The following CPNE5 variants were observed in gnomAD, a reference collection of about 807,000 sequenced individuals.
The protein encoded by CPNE5 is copine 5, also known as copine-5.
A neutral mutation model predicts 81.1 loss-of-function variants in CPNE5; 42 were observed. The ratio of observed to expected loss-of-function variants is 0.52; its 90% CI spans 0.40 to 0.67. The LOEUF (loss-of-function observed/expected upper bound fraction) is 0.67. Among genes scored for constraint, CPNE5 ranks in the 30% least tolerant of loss-of-function variants. The pLI, the probability that CPNE5 is intolerant of heterozygous loss-of-function variation, is 0.00. For missense variants in CPNE5, 612 were observed against 815.5 expected (o/e 0.75, Z 3.04); for synonymous variants, 313 against 321.5 (o/e 0.97, Z 0.28).
chr6:36,798,421 A>T, intron 5 of CPNE5, 34 bp downstream of exon 5: 1 of 1,607,172 alleles, frequency 6.2e-7, no homozygotes, highest in Non-Finnish European at 8.5e-7. Context: ...TTCAGAAACT[A>T]TGGAATTGCT....
At chr6:36,791,920 A>G in intron 8 of CPNE5, 113 bp downstream of exon 8, 1 of 887,164 alleles carries the variant, frequency 1.1e-6, no homozygotes, top group South Asian at 1.3e-5. Flanking sequence ...CAGCCAGGTC[A>G]GCATCAGGAG....
Position 36,745,113 on chromosome 6 carries a change from C to T in CPNE5, c.1366G>A (p.Val456Met), listed in dbSNP as rs1763991383. The change falls in exon 18 of 21, where the codon GTG becomes ATG. Residue 456 changes from valine (V) to methionine (M), a missense_variant. Val to Met is a conservative substitution (Grantham distance 21, BLOSUM62 1). Coordinates refer to ENST00000244751, the MANE Select transcript of CPNE5 (RefSeq NM_020939.2). ...ACCCCATCAGTAATGATGAGCAGCA[C>T]CGAGTACTGGGAGCCATCCTGCACG... The part of the protein sequence containing the change: ...AAVQDGSQYS[V>M]LLIITDGVIS... 10 of 1,613,948 alleles carry T rather than the reference C, an allele frequency of 6.2e-6. No homozygotes were observed. The highest frequency in any genetic ancestry group is 1.1e-5 in the South Asian group (1 of 91,088).
intron 3 of CPNE5, among the ~76,000 whole-genome samples, chr6:36,815,841 G>C (rs1269767394): frequency 1.3e-5 from 2 of 152,216 alleles, no homozygotes; most frequent in Non-Finnish European, 2.9e-5. Flanking sequence ...GGGTGTGGTG[G>C]CTGGGGCCAA....
chr6:36,781,451 A>G (rs979785760), intron 8 of CPNE5, among the ~76,000 whole-genome samples: 1 of 152,236 alleles, frequency 6.6e-6, no homozygotes, highest in Non-Finnish European at 1.5e-5. Flanking sequence ...TAGAGGTTAA[A>G]TCATATGCCT....
At position 36,766,927 on chromosome 6, in the gene CPNE5, C is replaced by T. The variant is rs9380598; in HGVS notation, c.738-1551G>A. 0.48 allele frequency among the ~76,000 whole-genome samples: 73,622 copies of T among 152,026 alleles called. 18,709 individuals carry two copies. Among genetic ancestry groups the T allele is most frequent in the Non-Finnish European group, 0.57 (38,829 of 67,950 alleles). Reference sequence around the variant, plus strand: ...CTGGAGTGCAATGGCGTGATCTCGGCTCATTGCAACCTCCGCCTCCGGATT... The same window carrying T: ...CTGGAGTGCAATGGCGTGATCTCGGTTCATTGCAACCTCCGCCTCCGGATT... On this transcript the variant is annotated intron_variant, in intron 10 of 20. Coordinates refer to ENST00000244751, the MANE Select transcript of CPNE5 (RefSeq NM_020939.2). This position sits in a 1 kb window ranked among gnomAD's most constrained non-coding sequence, Gnocchi z 4.2.
intron 16 of CPNE5, 79 bp from the exon 17 acceptor site, chr6:36,745,594 G>C: frequency 2.7e-6 from 4 of 1,482,614 alleles, no homozygotes; most frequent in Non-Finnish European, 3.6e-6. Flanking sequence ...GAGTCCAGGT[G>C]GGGAGGCCAG....
intron 8 of CPNE5, among the ~76,000 whole-genome samples, chr6:36,791,598 A>G (rs1288092008): frequency 6.6e-6 from 1 of 152,162 alleles, no homozygotes; most frequent in East Asian, 1.9e-4. Flanking sequence ...CATCCGCCCC[A>G]TGCAGGGTGT....
chr6:36,741,020 C>T lies in CPNE5; in HGVS notation c.*1248G>A, dbSNP rs1419665074. 1.3e-5 allele frequency: 2 copies of T among 152,320 alleles called. No homozygotes were observed. The highest frequency in any genetic ancestry group is 2.9e-5 in the Non-Finnish European group (2 of 68,076). The allele number at this position is 152,320 out of a possible 1,614,324, so 9.4% of individuals were successfully genotyped here. On this transcript the variant is annotated 3_prime_UTR_variant, in exon 21 of 21. Coordinates refer to ENST00000244751, the MANE Select transcript of CPNE5 (RefSeq NM_020939.2). ...CCCCGAGTGGGCAAAGGCTGGGCAG[C>T]TGGGTGGGCCCGGGAGGGAGATCCC...
At chr6:36,789,859 C>T (rs748066353) in intron 8 of CPNE5, among the ~76,000 whole-genome samples, 2 of 152,180 alleles carry the variant, frequency 1.3e-5, no homozygotes, top group African/African-American at 4.8e-5. Flanking sequence ...GGTTCATTCC[C>T]GCTGTCAAGT....
rs771875088 is a variant in CPNE5 at position 36,765,339 on chromosome 6, C to T, written c.775G>A (p.Gly259Ser). Residue 259 changes from glycine (G) to serine (S), a missense_variant, in exon 11 of 21, where the codon GGC becomes AGC. Coordinates refer to ENST00000244751, the MANE Select transcript of CPNE5 (RefSeq NM_020939.2). ...CCTGCCCTCCTGCCTGCTTACCTGCCGTCCCGATCCCAGTCGTACACCTCC... is the reference window on the plus strand; with the variant it reads ...CCTGCCCTCCTGCCTGCTTACCTGCTGTCCCGATCCCAGTCGTACACCTCC... Reference protein sequence around the residue: ...KVEVYDWDRDGSHDFIGEFTT... With the variant: ...KVEVYDWDRDSSHDFIGEFTT... 7 of 1,614,042 alleles carry T rather than the reference C, an allele frequency of 4.3e-6. No homozygotes were observed. The South Asian group carries it at 4.4e-5, about 10-fold the overall frequency.
intron 9 of CPNE5, among the ~76,000 whole-genome samples, chr6:36,776,459 C>A (rs1767512653): frequency 6.6e-6 from 1 of 152,112 alleles, no homozygotes; most frequent in Admixed American, 6.5e-5. Context: ...GGGATGGGAG[C>A]AGGAGGGGCC....
chr6:36,805,987 G>A (rs1393543599), intron 3 of CPNE5, among the ~76,000 whole-genome samples: 2 of 152,222 alleles, frequency 1.3e-5, no homozygotes, highest in Non-Finnish European at 2.9e-5. Context: ...GGGGCAGGTA[G>A]ACAGCAGTGT....
intron 8 of CPNE5, among the ~76,000 whole-genome samples, chr6:36,782,438 G>C (rs1232294757): frequency 1.3e-5 from 2 of 152,140 alleles, no homozygotes; most frequent in African/African-American, 4.8e-5. Flanking sequence ...GAACTTGACA[G>C]GCCATAAGTT....
At chr6:36,800,787 G>A (rs1372750786) in intron 3 of CPNE5, among the ~76,000 whole-genome samples, 3 of 152,204 alleles carry the variant, frequency 2.0e-5, no homozygotes, top group Admixed American at 6.5e-5. Flanking sequence ...TTGCTCACTT[G>A]ATAAAACCAG....
At chr6:36,792,762 G>T (rs1769217492) in intron 7 of CPNE5, among the ~76,000 whole-genome samples, 2 of 152,134 alleles carry the variant, frequency 1.3e-5, no homozygotes, top group Admixed American at 1.3e-4. Context: ...AAGTTCTTCG[G>T]CTGGGGCTCC....
At chr6:36,799,078 C>G (rs1407656992) in intron 4 of CPNE5, among the ~76,000 whole-genome samples, 3 of 152,154 alleles carry the variant, frequency 2.0e-5, no homozygotes, top group Non-Finnish European at 4.4e-5. Context: ...GGGGCCTGCT[C>G]ACCGGGGGCC....
chr6:36,814,885 G>A (rs1259205874), intron 3 of CPNE5, among the ~76,000 whole-genome samples: 8 of 152,172 alleles, frequency 5.3e-5, no homozygotes, highest in South Asian at 2.1e-4. Context: ...CAGTGTCTAT[G>A]GCCAGGTGCG....
chr6:36,837,595 T>C (rs1306995068), intron 1 of CPNE5, among the ~76,000 whole-genome samples: 1 of 152,110 alleles, frequency 6.6e-6, no homozygotes, highest in Non-Finnish European at 1.5e-5. Context: ...CCAGGCTGAG[T>C]ACCTAGGGCC....
Position 36,768,225 on chromosome 6 carries a change from C to CTTT in CPNE5, c.738-2852_738-2850dup, listed in dbSNP as rs10586762. Reference sequence around the variant, plus strand: ...GGCTTTGACTACTCTATTCACAGTTCTTTTTTTTTTTTTTTTTTTTTTTTT... The same window carrying CTTT: ...GGCTTTGACTACTCTATTCACAGTTCTTTTTTTTTTTTTTTTTTTTTTTTTTTT... On this transcript the variant is annotated intron_variant, in intron 10 of 20. Coordinates refer to ENST00000244751, the MANE Select transcript of CPNE5 (RefSeq NM_020939.2). 6.3e-3 allele frequency among the ~76,000 whole-genome samples: 379 copies of CTTT among 60,492 alleles called. 91 individuals are homozygous for CTTT. The highest frequency in any genetic ancestry group is 0.015 in the Middle Eastern group (1 of 68). 39.7% of individuals were successfully genotyped at this position (60,492 alleles called of 152,430 possible).
Sources: gnomAD v4.1 joint callset for allele counts (sites outside exome capture counted in the v4.1 genomes callset) on GRCh38, gnomAD v4.1.1 for gene constraint, Gnocchi (gnomAD v3.1) non-coding constraint, MANE v1.5 for transcripts, NCBI Gene and HGNC (gene_info 2026-07-23, HGNC 2026-07-21) for gene names.